GLMN: variants seen among roughly 807,000 people sequenced by gnomAD.
The protein encoded by GLMN is glomulin.
Under a neutral mutation model 87.8 loss-of-function variants are expected in GLMN, and 75 were observed. The ratio of observed to expected loss-of-function variants is 0.85; its 90% confidence interval spans 0.71 to 1.04. GLMN has a LOEUF of 1.04. Among genes scored for constraint, GLMN ranks in the 50% least tolerant of loss-of-function variants. GLMN has a pLI of 0.00. For synonymous variants in GLMN, 206 were observed against 221.6 expected (o/e 0.93, Z 0.63); for missense variants, 588 against 658.8 (o/e 0.89, Z 1.18).
upstream of GLMN, among the ~76,000 whole-genome samples, chr1:92,302,875 C>G (rs1420305659): frequency 1.3e-5 from 2 of 150,390 alleles, no homozygotes; most frequent in East Asian, 4.1e-4. Flanking sequence ...GCTGGGATTA[C>G]AGGCATGAGC....
At chr1:92,342,249 G>A in the GLMN span, among the ~76,000 whole-genome samples, 4 of 152,222 alleles carry the variant, frequency 2.6e-5, no homozygotes, top group Admixed American at 6.5e-5. Flanking sequence ...AAGGAGGTAA[G>A]GGAGCAAGCT....
the GLMN span, among the ~76,000 whole-genome samples, chr1:92,314,970 G>A: frequency 7.3e-5 from 11 of 150,382 alleles, no homozygotes; most frequent in Admixed American, 2.0e-4. Flanking sequence ...TCTTGAACCC[G>A]AGAGGCAGAG....
Position 92,247,127 on chromosome 1 carries a change from CT to C in GLMN, c.1602del (p.Asp535IlefsTer5). On this transcript the variant is annotated frameshift_variant, in exon 18 of 19. Coordinates refer to ENST00000370360, the MANE Select transcript of GLMN (RefSeq NM_053274.3). LOFTEE classifies it high-confidence loss of function. ...IKNSQEAQKS[K>X]DLCSITVSGE... ...CCACTTACAGTTATAGAACAAAGATCTTTAGATTTCTGGGCCTCTGTAAGAG... is the reference window on the plus strand; with the variant it reads ...CCACTTACAGTTATAGAACAAAGATCTTAGATTTCTGGGCCTCTGTAAGAG... 6.4e-7 allele frequency: 1 copy of C among 1,550,934 alleles called. No homozygotes were observed. The highest frequency in any genetic ancestry group is 8.9e-7 in the Non-Finnish European group (1 of 1,123,750).
chr1:92,275,783 A>G (rs920231375), intron 7 of GLMN, among the ~76,000 whole-genome samples: 2 of 152,132 alleles, frequency 1.3e-5, no homozygotes, highest in Admixed American at 1.3e-4. Context: ...CTATCCTTCT[A>G]AAACTCTACT....
At chr1:92,279,983 C>A (rs375347329) in intron 7 of GLMN, among the ~76,000 whole-genome samples, 3 of 151,986 alleles carry the variant, frequency 2.0e-5, no homozygotes, top group Non-Finnish European at 4.4e-5. Flanking sequence ...CGGAGCCCAC[C>A]GCAACTCAGC....
intron 17 of GLMN, 27 bp from the exon 18 acceptor site, chr1:92,247,171 A>C (rs1652799429): frequency 9.5e-7 from 1 of 1,048,348 alleles, no homozygotes. Flanking sequence ...ATCATGTGTG[A>C]CACTTAACTC....
At chr1:92,267,349 C>T (rs1313266330) in intron 11 of GLMN, among the ~76,000 whole-genome samples, 2 of 152,152 alleles carry the variant, frequency 1.3e-5, no homozygotes, top group East Asian at 1.9e-4. Flanking sequence ...GGATGCTGTG[C>T]TATCAATAAT....
the GLMN span, among the ~76,000 whole-genome samples, chr1:92,338,741 C>T: frequency 4.7e-5 from 7 of 149,734 alleles, no homozygotes; most frequent in African/African-American, 1.7e-4. Flanking sequence ...GCCTTAACTT[C>T]TGGGCTCAAG....
the GLMN span, among the ~76,000 whole-genome samples, chr1:92,367,819 G>A: frequency 6.6e-6 from 1 of 152,198 alleles, no homozygotes; most frequent in Non-Finnish European, 1.5e-5. Flanking sequence ...GGAGTATGAG[G>A]AGTGTTGTTC....
chr1:92,348,881 G>A, the GLMN span, among the ~76,000 whole-genome samples: 1 of 152,096 alleles, frequency 6.6e-6, no homozygotes, highest in Non-Finnish European at 1.5e-5. Flanking sequence ...TTGTCACTGG[G>A]GAAAGCAAAA....
intron 16 of GLMN, among the ~76,000 whole-genome samples, chr1:92,258,790 C>A (rs191559986): frequency 4.5e-4 from 69 of 151,938 alleles, no homozygotes; most frequent in African/African-American, 1.6e-3. Context: ...AGGAGAAATA[C>A]CTAATATAGA....
At chr1:92,262,457 T>G (rs1302133410) in intron 16 of GLMN, among the ~76,000 whole-genome samples, 1 of 152,224 alleles carries the variant, frequency 6.6e-6, no homozygotes, top group Non-Finnish European at 1.5e-5. Flanking sequence ...GTTTTAGTGC[T>G]GAAAATGCTT....
At chr1:92,269,666 A>G (rs1206600559) in intron 9 of GLMN, 57 bp downstream of exon 9, 3 of 1,121,094 alleles carry the variant, frequency 2.7e-6, no homozygotes, top group East Asian at 2.3e-5. Flanking sequence ...GCTGATCTTA[A>G]CAAGGACTAT....
At chr1:92,333,196 C>T in the GLMN span, 1 of 524,370 alleles carries the variant, frequency 1.9e-6, no homozygotes, top group Non-Finnish European at 3.4e-6. Context: ...CCAAAGAGGG[C>T]AAATGACTCA....
the GLMN span, among the ~76,000 whole-genome samples, chr1:92,318,634 A>G: frequency 1.3e-5 from 2 of 152,270 alleles, no homozygotes; most frequent in South Asian, 2.1e-4. Flanking sequence ...TTTTCTTCAT[A>G]TGGGCTCTCA....
chr1:92,338,149 C>T, the GLMN span, among the ~76,000 whole-genome samples: 14 of 152,066 alleles, frequency 9.2e-5, no homozygotes, highest in South Asian at 1.5e-3. Flanking sequence ...GACATTTTTA[C>T]TTCATTTTAT....
At chr1:92,365,341 C>T in the GLMN span, among the ~76,000 whole-genome samples, 1 of 152,324 alleles carries the variant, frequency 6.6e-6, no homozygotes, top group Admixed American at 6.5e-5. Context: ...AACACAGCTT[C>T]ACATCAGTTG....
chr1:92,255,945 C>T (rs1330387751), intron 16 of GLMN, among the ~76,000 whole-genome samples: 1 of 151,830 alleles, frequency 6.6e-6, no homozygotes, highest in East Asian at 1.9e-4. Context: ...CGCAAAAAAC[C>T]CTTCAAAAAA....
rs763194219 is a variant in GLMN, at chr1:92,266,498, A to G, written c.1141-6T>C. 2 of 1,520,018 alleles carry G rather than the reference A, an allele frequency of 1.3e-6. No individual in the cohort carries two copies. Among genetic ancestry groups the G allele is most frequent in the South Asian group, 2.3e-5 (2 of 88,820 alleles). 94.2% of individuals were successfully genotyped at this position (1,520,018 alleles called of 1,614,324 possible). On this transcript the variant is annotated splice_region_variant and splice_polypyrimidine_tract_variant and intron_variant, in intron 12 of 18. Transcript: ENST00000370360. The stretch of plus-strand genomic sequence containing the variant: ...ATAGCTAAACTCTTTTTCCTCTAAA[A>G]TGGAACAAACAATATTATTATATAA...
Sources: gnomAD v4.1 joint callset for allele counts (sites outside exome capture counted in the v4.1 genomes callset) on GRCh38, gnomAD v4.1.1 for gene constraint, MANE v1.5 for transcripts, NCBI Gene and HGNC (gene_info 2026-07-23, HGNC 2026-07-21) for gene names.